Variants in OSBPL8 observed in about 807,000 individuals in gnomAD.
OSBPL8 encodes oxysterol-binding protein-related protein 8.
A neutral mutation model predicts 125.5 loss-of-function variants in OSBPL8; 59 were observed. That is an observed-to-expected ratio of 0.47 (90% CI 0.38 to 0.58). OSBPL8 has a LOEUF of 0.58. Ranked by LOEUF, OSBPL8 falls within the 20% of genes least tolerant of loss-of-function variation. The pLI is 0.00. For missense variants in OSBPL8, 758 were observed against 1,047.8 expected, an observed-to-expected ratio of 0.72 and a Z score of 3.82; for synonymous variants, 330 against 338.9, an observed-to-expected ratio of 0.97 and a Z score of 0.29.
chr12:76,552,278 T>C (rs1319570005), intron 1 of OSBPL8, among the ~76,000 whole-genome samples: 1 of 151,202 alleles, frequency 6.6e-6, no homozygotes, highest in Non-Finnish European at 1.5e-5. Context: ...TACAAAAAAT[T>C]TGCCAGGCAC....
At chr12:76,500,580 A>C (rs796217622) in intron 1 of OSBPL8, among the ~76,000 whole-genome samples, 21 of 152,318 alleles carry the variant, frequency 1.4e-4, no homozygotes, top group African/African-American at 5.1e-4. Context: ...TTTAACAATA[A>C]TGGATTACAA....
chr12:76,473,007 T>C lies in OSBPL8; in HGVS notation c.43-13112A>G, dbSNP rs145091241. On this transcript the variant is annotated intron_variant, in intron 2 of 23. Transcript: ENST00000261183. The stretch of plus-strand genomic sequence containing the variant: ...TGACACTGACGCTACCGCTAGACCA[T>C]GGTCTGCTTGGCAACGGGCGTCTTT... 4.5e-3 allele frequency among the ~76,000 whole-genome samples: 681 copies of C among 152,226 alleles called. 9 individuals carry two copies. Among genetic ancestry groups the C allele is most frequent in the African/African-American group, 0.016 (652 of 41,570 alleles).
intron 3 of OSBPL8, among the ~76,000 whole-genome samples, chr12:76,459,230 C>A (rs1874414743): frequency 1.3e-5 from 2 of 152,086 alleles, no homozygotes; most frequent in East Asian, 1.9e-4. Context: ...ATAAAAATTG[C>A]CCCTCTTACT....
intron 1 of OSBPL8, among the ~76,000 whole-genome samples, chr12:76,539,052 G>GT (rs1232414883): frequency 1.4e-5 from 2 of 138,960 alleles, no homozygotes; most frequent in African/African-American, 2.5e-5. Context: ...AAATAACTGG[G>GT]GGGGGGGAGG....
chr12:76,534,972 T>C (rs1950449263), intron 1 of OSBPL8, among the ~76,000 whole-genome samples: 1 of 152,120 alleles, frequency 6.6e-6, no homozygotes, highest in Non-Finnish European at 1.5e-5. Flanking sequence ...GCCTGGCTTT[T>C]ATACTAAACA....
intron 21 of OSBPL8, among the ~76,000 whole-genome samples, chr12:76,363,229 T>C (rs545460300): frequency 5.5e-4 from 83 of 152,132 alleles, no homozygotes; most frequent in African/African-American, 1.8e-3. Flanking sequence ...GCCAAGACAA[T>C]CCTAAGCAAA....
chr12:76,457,335 A>G (rs1189974847), intron 3 of OSBPL8, among the ~76,000 whole-genome samples: 5 of 152,200 alleles, frequency 3.3e-5, no homozygotes, highest in African/African-American at 4.8e-5. Context: ...GGTGTGTGTG[A>G]AAAGTTTTGA....
chr12:76,472,998 G>A (rs896789332), intron 2 of OSBPL8, among the ~76,000 whole-genome samples: 8 of 152,022 alleles, frequency 5.3e-5, no homozygotes, highest in Non-Finnish European at 8.8e-5. Flanking sequence ...TGACGCTACC[G>A]CTAGACCATG....
At position 76,462,453 on chromosome 12, in the gene OSBPL8, C is replaced by T. The variant is rs150885387; in HGVS notation, c.43-2558G>A. On this transcript the variant is annotated intron_variant, in intron 2 of 23. Transcript: ENST00000261183. The stretch of plus-strand genomic sequence containing the variant: ...GGCACTGAACAATAATCAAAACAAA[C>T]ATCATCTTTTCCAATCATCCATTCA... Among the ~76,000 whole-genome samples the T allele has an allele frequency of 1.9e-3, 295 of 152,104 alleles. 1 individual carries two copies. Among genetic ancestry groups the T allele is most frequent in the African/African-American group, 6.4e-3 (265 of 41,484 alleles).
rs1040635419 is a variant in OSBPL8 at position 76,470,180 on chromosome 12, T to G, written c.43-10285A>C. ...AGAAGCTCAAAATTAACCAATATGA[T>G]TTTCACTTGTAACTAATGGCATGCA... On this transcript the variant is annotated intron_variant, in intron 2 of 23. Transcript: ENST00000261183. Among the ~76,000 whole-genome samples the G allele has an allele frequency of 2.6e-5, 4 of 152,200 alleles. No individual in the cohort carries two copies. In the East Asian group the frequency reaches 7.7e-4, roughly 29 times the overall value.
chr12:76,365,287 T>C (rs1952374129), intron 21 of OSBPL8, among the ~76,000 whole-genome samples: 1 of 152,294 alleles, frequency 6.6e-6, no homozygotes, highest in Admixed American at 6.5e-5. Flanking sequence ...ACATGAGGTG[T>C]CTTTCCCTTT....
rs771372831 is a variant in OSBPL8, at chr12:76,392,664, G to A, written c.846C>T (p.Asp282=). The change falls in exon 10 of 24, where the codon GAC becomes GAT. Residue 282 remains aspartate (D), a synonymous_variant. Transcript: ENST00000261183. ...RTMIREGKEH[D]LSVSSDSTHV... ...GTGTGCTATCTGATGAAACGCTCAG[G>A]TCATGTTCCTTTCCTTCTCTGATCA... 1.9e-6 allele frequency: 3 copies of A among 1,614,066 alleles called. No homozygotes were observed. The highest frequency in any genetic ancestry group is 2.5e-6 in the Non-Finnish European group (3 of 1,179,948).
chr12:76,460,729 C>A (rs1160291447), intron 2 of OSBPL8, among the ~76,000 whole-genome samples: 1 of 152,112 alleles, frequency 6.6e-6, no homozygotes, highest in Non-Finnish European at 1.5e-5. Flanking sequence ...AAATGTTGCC[C>A]ATGGACAAGT....
At chr12:76,365,655 G>A (rs1952387208) in intron 21 of OSBPL8, among the ~76,000 whole-genome samples, 1 of 152,074 alleles carries the variant, frequency 6.6e-6, no homozygotes, top group African/African-American at 2.4e-5. Context: ...GGTGAAAGTG[G>A]GAATGTTTGT....
At chr12:76,446,435 A>C (rs182165194) in intron 4 of OSBPL8, among the ~76,000 whole-genome samples, 28 of 152,300 alleles carry the variant, frequency 1.8e-4, no homozygotes, top group Admixed American at 1.8e-3. Context: ...ACTTTTAAAG[A>C]AGTACATCTA....
intron 4 of OSBPL8, among the ~76,000 whole-genome samples, chr12:76,430,483 T>A (rs1047872939): frequency 5.3e-5 from 8 of 152,178 alleles, no homozygotes; most frequent in Non-Finnish European, 1.0e-4. Context: ...TCAGTCTACA[T>A]GAATCACAAA....
At chr12:76,365,417 A>G (rs942874571) in intron 21 of OSBPL8, among the ~76,000 whole-genome samples, 2 of 152,150 alleles carry the variant, frequency 1.3e-5, no homozygotes, top group African/African-American at 4.8e-5. Context: ...CTTAATTTCA[A>G]GTGTTCACTG....
At chr12:76,391,479 G>T (rs1190031707) in intron 10 of OSBPL8, among the ~76,000 whole-genome samples, 3 of 152,124 alleles carry the variant, frequency 2.0e-5, no homozygotes, top group African/African-American at 7.2e-5. Flanking sequence ...CAGATCGTAG[G>T]TCTGCAAAGA....
At chr12:76,514,876 A>G (rs1424521239) in intron 1 of OSBPL8, among the ~76,000 whole-genome samples, 7 of 152,104 alleles carry the variant, frequency 4.6e-5, no homozygotes, top group Admixed American at 4.6e-4. Context: ...ATGTTTGTCT[A>G]TCTTATTTCA....
Sources: gnomAD v4.1 joint callset for allele counts (sites outside exome capture counted in the v4.1 genomes callset) on GRCh38, gnomAD v4.1.1 for gene constraint, MANE v1.5 for transcripts, NCBI Gene and HGNC (gene_info 2026-07-23, HGNC 2026-07-21) for gene names.